Variants in SRP54 observed in about 807,000 individuals in gnomAD.
SRP54 encodes the protein signal recognition particle subunit SRP54.
A neutral mutation model predicts 64.8 loss-of-function variants in SRP54; 10 were observed. That is an observed-to-expected ratio of 0.15 (90% CI 0.10 to 0.26). SRP54 has a LOEUF of 0.26. Among genes scored for constraint, SRP54 ranks in the 10% least tolerant of loss-of-function variants. The pLI is 1.00. For synonymous variants in SRP54, 193 were observed against 185.6 expected, an observed-to-expected ratio of 1.04 and a Z score of -0.32; for missense variants, 325 against 613.7, an observed-to-expected ratio of 0.53 and a Z score of 4.97.
chr14:35,018,128 A>G (rs374399419), intron 11 of SRP54, among the ~76,000 whole-genome samples: 18 of 152,298 alleles, frequency 1.2e-4, no homozygotes, highest in African/African-American at 4.3e-4. Context: ...TTCTGAGTAT[A>G]TCGTTTTTCT....
At chr14:35,009,273 T>C (rs1384331598) in intron 7 of SRP54, among the ~76,000 whole-genome samples, 1 of 151,496 alleles carries the variant, frequency 6.6e-6, no homozygotes, top group African/African-American at 2.4e-5. Flanking sequence ...CCCAAGCTCC[T>C]GGGCTCAAAT....
At chr14:35,007,422 G>A in intron 5 of SRP54, 35 bp downstream of exon 5, 1 of 1,412,898 alleles carries the variant, frequency 7.1e-7, no homozygotes, top group Non-Finnish European at 9.7e-7. Context: ...AAGTCATATG[G>A]AAGATAGGTT....
At chr14:34,991,972 C>T (rs1208609207) in intron 1 of SRP54, among the ~76,000 whole-genome samples, 1 of 152,144 alleles carries the variant, frequency 6.6e-6, no homozygotes. Flanking sequence ...TTGCTCTTGT[C>T]ATCCAGGCTG....
At chr14:35,013,620 A>G in intron 9 of SRP54, 126 bp downstream of exon 9, 1 of 1,246,188 alleles carries the variant, frequency 8.0e-7, no homozygotes, top group Non-Finnish European at 1.1e-6. Context: ...TTATAAAGAA[A>G]GTTTAAATAG....
At chr14:35,028,778 G>A (rs552823726) in intron 15 of SRP54, among the ~76,000 whole-genome samples, 2 of 152,152 alleles carry the variant, frequency 1.3e-5, no homozygotes, top group African/African-American at 4.8e-5. Context: ...TTTTTGTTTA[G>A]ATTTATTGAC....
intron 13 of SRP54, among the ~76,000 whole-genome samples, chr14:35,022,043 T>C (rs539175870): frequency 6.6e-6 from 1 of 152,320 alleles, no homozygotes; most frequent in South Asian, 2.1e-4. Context: ...TACTTGATTA[T>C]AGGAAATAAT....
At chr14:35,018,100 C>T in intron 11 of SRP54, among the ~76,000 whole-genome samples, 1 of 152,136 alleles carries the variant, frequency 6.6e-6, no homozygotes, top group South Asian at 2.1e-4. Flanking sequence ...GCACAACCCT[C>T]TTAAAAAAAT....
At chr14:35,019,190 T>G in intron 13 of SRP54, 116 bp downstream of exon 13, 4 of 697,680 alleles carry the variant, frequency 5.7e-6, no homozygotes, top group Non-Finnish European at 9.7e-6. Context: ...AGATTATTTT[T>G]AGGTAGATTT....
In SRP54 at chr14:35,007,599, TA is replaced by T. The variant is rs569955600; in HGVS notation, c.360+213del. Among the ~76,000 whole-genome samples, 349 of 145,790 alleles carry T rather than the reference TA, an allele frequency of 2.4e-3. 4 individuals carry two copies. Among genetic ancestry groups the T allele is most frequent in the African/African-American group, 8.5e-3 (343 of 40,428 alleles). ...AAAATATATTTATATTATAATAAAA[TA>T]TATTTACATAAAATATATTTTATTA... On this transcript the variant is annotated intron_variant, in intron 5 of 15. Transcript: ENST00000216774.
intron 13 of SRP54, among the ~76,000 whole-genome samples, chr14:35,020,118 G>A (rs1194446255): frequency 2.6e-5 from 4 of 152,348 alleles, no homozygotes; most frequent in Admixed American, 1.3e-4. Context: ...CCGGGAGGCG[G>A]AGGTTGCAGT....
chr14:35,007,886 A>T (rs1320880244), intron 5 of SRP54, among the ~76,000 whole-genome samples: 1 of 151,150 alleles, frequency 6.6e-6, no homozygotes, highest in Non-Finnish European at 1.5e-5. Context: ...TTTTTTTAGG[A>T]TAAGAGGAGA....
chr14:34,986,489 T>C (rs2043897460), intron 1 of SRP54, among the ~76,000 whole-genome samples: 1 of 152,240 alleles, frequency 6.6e-6, no homozygotes, highest in South Asian at 2.1e-4. Flanking sequence ...TGCACTCTAA[T>C]TCTCACAAGG....
intron 1 of SRP54, among the ~76,000 whole-genome samples, chr14:34,994,931 A>C (rs1338726830): frequency 1.1e-5 from 1 of 92,894 alleles, no homozygotes; most frequent in Non-Finnish European, 2.1e-5. Flanking sequence ...ATGCCTGGCT[A>C]CTTTTTTTTT....
At chr14:35,017,160 T>G (rs1163598834) in intron 11 of SRP54, among the ~76,000 whole-genome samples, 1 of 152,176 alleles carries the variant, frequency 6.6e-6, no homozygotes, top group Non-Finnish European at 1.5e-5. Flanking sequence ...TGGCCGCTCC[T>G]TCCTTTTTCT....
chr14:35,011,406 C>T, intron 7 of SRP54, 103 bp from the exon 8 acceptor site: 2 of 818,030 alleles, frequency 2.4e-6, no homozygotes, highest in Non-Finnish European at 3.5e-6. Context: ...AAATTGGGGT[C>T]ATTTTGGCTT....
chr14:35,012,402 G>A (rs1467942731), intron 8 of SRP54, among the ~76,000 whole-genome samples: 2 of 152,092 alleles, frequency 1.3e-5, no homozygotes, highest in South Asian at 2.1e-4. Context: ...GATATCTGCA[G>A]CATATATTAT....
chr14:35,008,583 G>T (rs1483705691), intron 5 of SRP54, 44 bp from the exon 6 acceptor site: 4 of 1,299,596 alleles, frequency 3.1e-6, no homozygotes, highest in Non-Finnish European at 4.1e-6. Flanking sequence ...TGTATAGTTT[G>T]TTATATTTTA....
At chr14:35,019,118 A>T (rs373710311) in intron 13 of SRP54, 44 bp downstream of exon 13, 1 of 1,330,354 alleles carries the variant, frequency 7.5e-7, no homozygotes, top group South Asian at 1.2e-5. Flanking sequence ...TGTTCTGAGT[A>T]TCAGTAAGAT....
intron 1 of SRP54, among the ~76,000 whole-genome samples, chr14:34,984,124 G>A (rs1489629360): frequency 1.3e-5 from 2 of 152,134 alleles, no homozygotes; most frequent in Admixed American, 1.3e-4. Context: ...TCAGTTTTTT[G>A]ATATGGCCAA....
Sources: allele counts gnomAD v4.1 joint callset (sites outside exome capture counted in the v4.1 genomes callset), GRCh38; gene constraint gnomAD v4.1.1; transcripts MANE v1.5; gene names NCBI Gene and HGNC (gene_info 2026-07-23, HGNC 2026-07-21).